PRKG1: variants seen among roughly 807,000 people sequenced by gnomAD.
PRKG1 encodes protein kinase cGMP-dependent 1.
PRKG1 carries 35 observed loss-of-function variants against 88.1 expected under a neutral mutation model. The ratio of observed to expected loss-of-function variants is 0.40; its 90% CI spans 0.30 to 0.53. The LOEUF (loss-of-function observed/expected upper bound fraction) is 0.53, where lower values mean the gene tolerates loss of function less well. PRKG1 is among the 20% of genes least tolerant of loss of function. PRKG1 has a pLI of 0.59. For synonymous variants in PRKG1, 303 were observed against 292.5 expected, an observed-to-expected ratio of 1.04 and a Z score of -0.37; for missense variants, 540 against 839.8, an observed-to-expected ratio of 0.64 and a Z score of 4.41.
chr10:51,528,116 G>A (rs1001120590), intron 3 of PRKG1, among the ~76,000 whole-genome samples: 5 of 152,248 alleles, frequency 3.3e-5, no homozygotes, highest in Non-Finnish European at 4.4e-5. Flanking sequence ...ATGTCATTAC[G>A]GAGAAGCTTT....
chr10:51,704,694 T>C lies in PRKG1; in HGVS notation c.593-99891T>C, dbSNP rs113725069. On this transcript the variant is annotated intron_variant, in intron 3 of 17. Transcript: ENST00000373980. ...AGCTAGTAATAGCCAACGCAAGAAA[T>C]TGGGACCTGGTGTTTTTTACGGCCT... 4.5e-3 allele frequency among the ~76,000 whole-genome samples: 690 copies of C among 152,208 alleles called. 11 individuals are homozygous for C. The highest frequency in any genetic ancestry group is 0.014 in the Middle Eastern group (4 of 294).
chr10:51,707,562 C>T (rs1841640932), intron 3 of PRKG1, among the ~76,000 whole-genome samples: 1 of 151,822 alleles, frequency 6.6e-6, no homozygotes, highest in Non-Finnish European at 1.5e-5. Flanking sequence ...ATAAAGATAC[C>T]CTATTTAAGT....
intron 3 of PRKG1, among the ~76,000 whole-genome samples, chr10:51,630,309 C>T (rs76094872): frequency 0.013 from 1,995 of 152,254 alleles, 18 homozygotes; most frequent in Non-Finnish European, 0.019. Flanking sequence ...ATTTTAATCA[C>T]ATCCTGCAAA....
At chr10:51,867,014 T>C (rs1841031711) in intron 4 of PRKG1, among the ~76,000 whole-genome samples, 1 of 152,100 alleles carries the variant, frequency 6.6e-6, no homozygotes, top group South Asian at 2.1e-4. Flanking sequence ...AGAGATTTTA[T>C]TGAGGGATGA....
chr10:51,940,937 A>G (rs1227890502), intron 5 of PRKG1, among the ~76,000 whole-genome samples: 1 of 151,952 alleles, frequency 6.6e-6, no homozygotes, highest in Admixed American at 6.6e-5. Context: ...CTCAATATCC[A>G]AGTTTGGGGA....
intron 2 of PRKG1, among the ~76,000 whole-genome samples, chr10:51,265,823 C>T (rs1839823045): frequency 6.6e-6 from 1 of 152,098 alleles, no homozygotes; most frequent in South Asian, 2.1e-4. Flanking sequence ...CAGGTTTTTA[C>T]CCACCTGGAG....
chr10:51,972,596 T>C (rs1393039734), intron 5 of PRKG1, among the ~76,000 whole-genome samples: 5 of 152,222 alleles, frequency 3.3e-5, no homozygotes, highest in African/African-American at 1.2e-4. Context: ...AGTTTCTGTT[T>C]ATTATTAAAC....
At chr10:51,908,779 G>A (rs1476459399) in intron 5 of PRKG1, 1 of 134,210 alleles carries the variant, frequency 7.5e-6, no homozygotes. Flanking sequence ...GCCCAGGCTG[G>A]AGTGCAATGG....
chr10:52,135,881 C>A lies in PRKG1; in HGVS notation c.1001+1976C>A, dbSNP rs185494399. ...ACAGGACAGAATTGCATGAAAGAAT[C>A]GAGAAGAAGATTAAAGAGCCAAGGC... On this transcript the variant is annotated intron_variant, in intron 8 of 17. Coordinates refer to ENST00000373980, the MANE Select transcript of PRKG1 (RefSeq NM_006258.4). Among the ~76,000 whole-genome samples the A allele has an allele frequency of 1.9e-3, 282 of 151,982 alleles. 1 individual carries two copies. Among genetic ancestry groups the A allele is most frequent in the African/African-American group, 6.3e-3 (261 of 41,478 alleles).
At chr10:51,061,889 T>C (rs1352646388) in intron 1 of PRKG1, among the ~76,000 whole-genome samples, 2 of 152,204 alleles carry the variant, frequency 1.3e-5, no homozygotes, top group Admixed American at 6.5e-5. Context: ...TCACAATTAT[T>C]TTAAAGCCCA....
intron 2 of PRKG1, among the ~76,000 whole-genome samples, chr10:51,197,340 T>G (rs1837794822): frequency 6.6e-6 from 1 of 152,172 alleles, no homozygotes. Flanking sequence ...TGACATGATC[T>G]CGGCTCACCG....
At chr10:51,173,430 TTG>T (rs1453708187) in intron 2 of PRKG1, among the ~76,000 whole-genome samples, 1,493 of 146,684 alleles carry the variant, frequency 0.01, 36 homozygotes, top group African/African-American at 0.035. Flanking sequence ...GTGTGTGTAT[TTG>T]TGTGTGTGTG....
intron 3 of PRKG1, among the ~76,000 whole-genome samples, chr10:51,624,062 G>A (rs2132266900): frequency 6.6e-6 from 1 of 152,246 alleles, no homozygotes; most frequent in East Asian, 1.9e-4. Flanking sequence ...TCCCAATCCA[G>A]CATGAAATGA....
intron 4 of PRKG1, among the ~76,000 whole-genome samples, chr10:51,876,664 C>A (rs2132869939): frequency 6.6e-6 from 1 of 152,270 alleles, no homozygotes; most frequent in South Asian, 2.1e-4. Flanking sequence ...ATTTGAGACT[C>A]CCAGCTGCCA....
At chr10:51,787,105 C>T (rs909337137) in intron 3 of PRKG1, among the ~76,000 whole-genome samples, 5 of 152,078 alleles carry the variant, frequency 3.3e-5, no homozygotes, top group African/African-American at 1.2e-4. Flanking sequence ...ATAGCTGAAC[C>T]TTTGGTTGGA....
intron 5 of PRKG1, among the ~76,000 whole-genome samples, chr10:51,958,290 A>G (rs1334071693): frequency 6.6e-6 from 1 of 152,132 alleles, no homozygotes; most frequent in Non-Finnish European, 1.5e-5. Context: ...CAAGTCAAGA[A>G]AAAAGACCTT....
chr10:52,243,633 C>T (rs1180283632), intron 9 of PRKG1, among the ~76,000 whole-genome samples: 4 of 152,150 alleles, frequency 2.6e-5, no homozygotes, highest in Admixed American at 6.6e-5. Context: ...CTAATTTTTC[C>T]GGTGTTTAAT....
intron 3 of PRKG1, among the ~76,000 whole-genome samples, chr10:51,763,433 A>T (rs942534939): frequency 3.3e-5 from 5 of 151,774 alleles, no homozygotes; most frequent in Admixed American, 1.3e-4. Context: ...TTTAAAAAAA[A>T]TTTTTATAGA....
chr10:51,494,424 T>C (rs941109887), intron 3 of PRKG1, among the ~76,000 whole-genome samples: 6 of 152,228 alleles, frequency 3.9e-5, no homozygotes, highest in South Asian at 2.1e-4. Context: ...TAAAATTGTC[T>C]TTCAACAGAG....
Sources: gnomAD v4.1 joint callset for allele counts (sites outside exome capture counted in the v4.1 genomes callset) on GRCh38, gnomAD v4.1.1 for gene constraint, MANE v1.5 for transcripts, NCBI Gene and HGNC (gene_info 2026-07-23, HGNC 2026-07-21) for gene names.